The following AVL9 variants were observed in gnomAD, a reference collection of about 807,000 sequenced individuals.
AVL9 encodes the protein late secretory pathway protein AVL9 homolog.
Under a neutral mutation model 79.2 loss-of-function variants are expected in AVL9, and 49 were observed. The observed-to-expected ratio is 0.62, with a 90% CI of 0.49 to 0.79. The LOEUF is 0.79. Among genes scored for constraint, AVL9 ranks in the 30% least tolerant of loss-of-function variants. The pLI is 0.00. For missense variants in AVL9, 682 were observed against 776.8 expected (o/e 0.88, Z 1.45); for synonymous variants, 299 against 280.6 (o/e 1.07, Z -0.65).
intron 1 of AVL9, chr7:32,535,994 C>G (rs1360178815): frequency 3.3e-5 from 5 of 152,226 alleles, no homozygotes; most frequent in Admixed American, 3.3e-4. Flanking sequence ...CCTTTGCCTT[C>G]CGCCATGATT....
intron 1 of AVL9, among the ~76,000 whole-genome samples, chr7:32,524,559 G>C (rs62467584): frequency 3.1e-3 from 115 of 37,570 alleles, no homozygotes; most frequent in South Asian, 8.6e-3. Flanking sequence ...CACACACACA[G>C]AGAGAAAAGA....
At chr7:32,500,457 A>T (rs1348976465) in intron 1 of AVL9, among the ~76,000 whole-genome samples, 1 of 151,798 alleles carries the variant, frequency 6.6e-6, no homozygotes, top group African/African-American at 2.4e-5. Context: ...AAATTTGTTT[A>T]AGTTCCTTGT....
At chr7:32,502,736 A>G (rs1787196577) in intron 1 of AVL9, among the ~76,000 whole-genome samples, 1 of 152,190 alleles carries the variant, frequency 6.6e-6, no homozygotes, top group South Asian at 2.1e-4. Flanking sequence ...ACTGAACACA[A>G]TTTAAGTTAC....
intron 10 of AVL9, chr7:32,562,583 G>A: frequency 1.0e-6 from 1 of 971,836 alleles, no homozygotes; most frequent in Non-Finnish European, 1.2e-6. Context: ...ATTTCTTAAT[G>A]TCAGTAATGC....
chr7:32,559,606 T>A, intron 10 of AVL9, 142 bp downstream of exon 10: 1 of 737,170 alleles, frequency 1.4e-6, no homozygotes, highest in Non-Finnish European at 2.1e-6. Context: ...AAATACATAG[T>A]ACTGTGGCAT....
chr7:32,574,639 ATTCAT>A (rs1177104809), intron 12 of AVL9, among the ~76,000 whole-genome samples: 1 of 152,140 alleles, frequency 6.6e-6, no homozygotes, highest in African/African-American at 2.4e-5. Flanking sequence ...ACATCTAGTA[ATTCAT>A]TTCATCCTTA....
chr7:32,554,158 A>G (rs1475901756), intron 7 of AVL9, among the ~76,000 whole-genome samples: 1 of 152,158 alleles, frequency 6.6e-6, no homozygotes, highest in African/African-American at 2.4e-5. Context: ...ATACCTTCTG[A>G]TCTTTATTAT....
chr7:32,497,113 T>C (rs1246135652), intron 1 of AVL9, among the ~76,000 whole-genome samples: 1 of 67,326 alleles, frequency 1.5e-5, no homozygotes, highest in African/African-American at 6.8e-5. Flanking sequence ...CCCAGCACTT[T>C]GGGAGGCCGA....
intron 12 of AVL9, among the ~76,000 whole-genome samples, chr7:32,575,319 G>A (rs1023639216): frequency 6.6e-6 from 1 of 152,060 alleles, no homozygotes; most frequent in African/African-American, 2.4e-5. Context: ...GGCTGGTCTC[G>A]AACTCCTGAC....
chr7:32,529,797 C>T (rs544429282), intron 1 of AVL9, among the ~76,000 whole-genome samples: 3 of 152,252 alleles, frequency 2.0e-5, no homozygotes, highest in Admixed American at 6.5e-5. Flanking sequence ...AACAAATATC[C>T]AGATCAAAAC....
rs1361163607 is a variant in AVL9, at chr7:32,558,916, T to C, written c.680-13T>C. 3.2e-6 allele frequency: 5 copies of C among 1,553,884 alleles called. No homozygotes were observed. The Admixed American group carries it at 8.0e-5, about 25-fold the overall frequency. ...TTATAAGCCAAGCTGTTCTTTGATA[T>C]TGCATATTTTAGGCATGATTGAACA... On this transcript the variant is annotated splice_polypyrimidine_tract_variant and intron_variant, in intron 9 of 15. Transcript: ENST00000318709.
intron 1 of AVL9, among the ~76,000 whole-genome samples, chr7:32,524,529 TACACACACAC>T (rs34652596): frequency 2.3e-5 from 3 of 132,156 alleles, no homozygotes; most frequent in Non-Finnish European, 4.9e-5. Flanking sequence ...GAGGGAGAAA[TACACACACAC>T]ACACACACAC....
At chr7:32,535,091 C>G (rs1252863532) in intron 1 of AVL9, 1 of 152,186 alleles carries the variant, frequency 6.6e-6, no homozygotes, top group African/African-American at 2.4e-5. Flanking sequence ...CAGAGCTTCT[C>G]CTGTGTCTGT....
At chr7:32,558,776 TTTGTC>T in intron 9 of AVL9, 148 bp downstream of exon 9, 1 of 1,013,312 alleles carries the variant, frequency 9.9e-7, no homozygotes. Context: ...GTTTCTCTCT[TTTGTC>T]TGGGCTTCTT....
chr7:32,571,211 G>A (rs1463650454), intron 11 of AVL9, among the ~76,000 whole-genome samples: 2 of 134,840 alleles, frequency 1.5e-5, no homozygotes, highest in African/African-American at 2.9e-5. Context: ...CAGCCTGGGT[G>A]ACAGAGTGAC....
rs1791723058 is a variant in AVL9 at position 32,585,233 on chromosome 7, G to A, written c.*1326G>A. 6.6e-6 allele frequency: 1 copy of A among 152,154 alleles called. No homozygotes were observed. Among genetic ancestry groups the A allele is most frequent in the South Asian group, 2.1e-4 (1 of 4,830 alleles). The allele number at this position is 152,154 out of a possible 1,614,324, so 9.4% of individuals were successfully genotyped here. On this transcript the variant is annotated 3_prime_UTR_variant, in exon 16 of 16. Coordinates refer to ENST00000318709, the MANE Select transcript of AVL9 (RefSeq NM_015060.3). The stretch of plus-strand genomic sequence containing the variant: ...CTTCTAGAAGTATCTTAAAAGAAAA[G>A]CAAGGTGATTGTAAGTATTAAATAG...
chr7:32,569,977 C>A, intron 10 of AVL9, 43 bp from the exon 11 acceptor site: 2 of 1,595,982 alleles, frequency 1.3e-6, no homozygotes, highest in Non-Finnish European at 1.7e-6. Flanking sequence ...GAAAGGTAAC[C>A]TTTTACTTTT....
At chr7:32,546,069 C>CTTTTTTTTTTTTTTTTTTTT (rs57046702) in intron 3 of AVL9, among the ~76,000 whole-genome samples, 2 of 99,038 alleles carry the variant, frequency 2.0e-5, no homozygotes, top group Non-Finnish European at 4.1e-5. Flanking sequence ...TACCTGGAGA[C>CTTTTTTTTTTTTTTTTTTTT]TTTTTTTTTT....
rs184883468 is a variant in AVL9, at chr7:32,587,274, G to A, written c.*3367G>A. On this transcript the variant is annotated 3_prime_UTR_variant, in exon 16 of 16. Coordinates refer to ENST00000318709, the MANE Select transcript of AVL9 (RefSeq NM_015060.3). ...GTATTTTGAGAGCAGTATTTCATGT[G>A]CTAAGGGTTATAAGAATTCTTTTAG... 4.1e-4 allele frequency: 63 copies of A among 152,326 alleles called. No homozygotes were observed. Among genetic ancestry groups the A allele is most frequent in the African/African-American group, 1.4e-3 (60 of 41,572 alleles). The allele number at this position is 152,326 out of a possible 1,614,324, so 9.4% of individuals were successfully genotyped here.
Sources: gnomAD v4.1 joint callset for allele counts (sites outside exome capture counted in the v4.1 genomes callset) on GRCh38, gnomAD v4.1.1 for gene constraint, MANE v1.5 for transcripts, NCBI Gene and HGNC (gene_info 2026-07-23, HGNC 2026-07-21) for gene names.